WDR7: variants seen among roughly 807,000 people sequenced by gnomAD.
The protein encoded by WDR7 is WD repeat domain 7.
Under a neutral mutation model 169.4 loss-of-function variants are expected in WDR7, and 46 were observed. That is an observed-to-expected ratio of 0.27 (90% CI 0.21 to 0.35). The LOEUF is 0.35. Among genes scored for constraint, WDR7 ranks in the 10% least tolerant of loss-of-function variants. WDR7 has a pLI of 1.00. For synonymous variants in WDR7, 612 were observed against 666.8 expected, an observed-to-expected ratio of 0.92 and a Z score of 1.27; for missense variants, 1,534 against 1,859.3, an observed-to-expected ratio of 0.83 and a Z score of 3.22.
rs183182856 is a variant in WDR7, at chr18:56,818,902, G to A, written c.3304+2758G>A. Among the ~76,000 whole-genome samples the A allele has an allele frequency of 2.7e-3, 415 of 152,262 alleles. 3 individuals carry two copies. The highest frequency in any genetic ancestry group is 4.7e-3 in the Non-Finnish European group (322 of 67,992). On this transcript the variant is annotated intron_variant, in intron 20 of 27. Transcript: ENST00000254442. ...CTAATATTTCTTCATAAAATAAGTAGTAATTATATCATGACAGGTATTTGC... is the reference window on the plus strand; with the variant it reads ...CTAATATTTCTTCATAAAATAAGTAATAATTATATCATGACAGGTATTTGC...
chr18:56,878,286 G>A (rs1194430160), intron 20 of WDR7, among the ~76,000 whole-genome samples: 2 of 152,152 alleles, frequency 1.3e-5, no homozygotes, highest in Non-Finnish European at 2.9e-5. Flanking sequence ...TCAAATATCT[G>A]ATTGCTGTTT....
intron 14 of WDR7, among the ~76,000 whole-genome samples, chr18:56,732,171 T>G (rs1309021664): frequency 6.6e-6 from 1 of 152,202 alleles, no homozygotes; most frequent in Non-Finnish European, 1.5e-5. Context: ...TAACAGAAGA[T>G]GATCCTATTA....
chr18:56,846,246 G>A (rs1367539013), intron 20 of WDR7, among the ~76,000 whole-genome samples: 2 of 152,144 alleles, frequency 1.3e-5, no homozygotes, highest in African/African-American at 4.8e-5. Flanking sequence ...GGGTCATGGG[G>A]ATGGATCCCT....
chr18:56,692,871 T>C lies in WDR7; in HGVS notation c.966+1054T>C, dbSNP rs1049739882. 2.0e-5 allele frequency among the ~76,000 whole-genome samples: 3 copies of C among 152,016 alleles called. No individual in the cohort carries two copies. The East Asian group carries it at 5.8e-4, about 29-fold the overall frequency. ...ATATATAGTTTATCAATTAAAAATT[T>C]TAGTCTGGGCGACATAGTGAGACCC... On this transcript the variant is annotated intron_variant, in intron 9 of 27. Transcript: ENST00000254442.
chr18:56,967,155 C>T (rs956160739), intron 26 of WDR7, among the ~76,000 whole-genome samples: 2 of 151,990 alleles, frequency 1.3e-5, no homozygotes. Context: ...GTGCTAAGGC[C>T]AGGAGTTCAG....
intron 20 of WDR7, among the ~76,000 whole-genome samples, chr18:56,876,284 G>A (rs1048244037): frequency 1.1e-4 from 16 of 152,028 alleles, no homozygotes; most frequent in Admixed American, 3.9e-4. Flanking sequence ...AACTGAAAGC[G>A]GCCAGAAAAA....
At chr18:56,940,108 C>T (rs1207450477) in intron 25 of WDR7, among the ~76,000 whole-genome samples, 2 of 151,888 alleles carry the variant, frequency 1.3e-5, no homozygotes, top group African/African-American at 2.4e-5. Context: ...TCCATGCGGT[C>T]GTTAGAAATA....
intron 20 of WDR7, among the ~76,000 whole-genome samples, 167 bp from the exon 21 acceptor site, chr18:56,879,777 G>A (rs950123140): frequency 1.3e-5 from 2 of 151,678 alleles, no homozygotes; most frequent in Non-Finnish European, 2.9e-5. Flanking sequence ...GTTAGAGATA[G>A]GGGTCTGTCT....
chr18:56,969,948 C>A (rs2047460277), intron 26 of WDR7, among the ~76,000 whole-genome samples: 1 of 152,172 alleles, frequency 6.6e-6, no homozygotes, highest in Non-Finnish European at 1.5e-5. Flanking sequence ...TGCCTGAATT[C>A]AAGTCCTTCC....
At chr18:56,729,740 G>A (rs2026542044) in intron 13 of WDR7, among the ~76,000 whole-genome samples, 1 of 152,032 alleles carries the variant, frequency 6.6e-6, no homozygotes, top group African/African-American at 2.4e-5. Context: ...TCATTATTTA[G>A]CATAATCTTA....
At chr18:57,018,173 G>C (rs1323748525) in intron 26 of WDR7, among the ~76,000 whole-genome samples, 4 of 152,188 alleles carry the variant, frequency 2.6e-5, no homozygotes, top group African/African-American at 4.8e-5. Context: ...AAGGAGGAAG[G>C]CTTGGCATTC....
At chr18:56,792,820 T>C (rs1332164202) in intron 19 of WDR7, among the ~76,000 whole-genome samples, 1 of 151,558 alleles carries the variant, frequency 6.6e-6, no homozygotes, top group Non-Finnish European at 1.5e-5. Context: ...ACCTACACTA[T>C]GACACAGGGC....
chr18:56,734,033 G>A (rs1272835079), intron 14 of WDR7, among the ~76,000 whole-genome samples: 1 of 150,320 alleles, frequency 6.7e-6, no homozygotes, highest in Non-Finnish European at 1.5e-5. Context: ...ATAACTGATT[G>A]TCTTAAGACC....
intron 27 of WDR7, among the ~76,000 whole-genome samples, chr18:57,025,271 A>G (rs2048352096): frequency 6.6e-6 from 1 of 152,252 alleles, no homozygotes; most frequent in Non-Finnish European, 1.5e-5. Context: ...TTATCAACTG[A>G]GAAATTAGAT....
intron 1 of WDR7, among the ~76,000 whole-genome samples, chr18:56,665,282 A>G (rs1408846308): frequency 9.0e-6 from 1 of 111,312 alleles, no homozygotes; most frequent in African/African-American, 3.0e-5. Flanking sequence ...GACAAGAGTA[A>G]AACTCCATCT....
intron 12 of WDR7, among the ~76,000 whole-genome samples, chr18:56,700,261 T>C (rs1328295394): frequency 1.6e-5 from 2 of 128,270 alleles, no homozygotes; most frequent in African/African-American, 5.6e-5. Context: ...TCTTTTTTTT[T>C]TTTTTTTTTT....
At chr18:56,726,521 G>A (rs1052724642) in intron 13 of WDR7, among the ~76,000 whole-genome samples, 1 of 152,320 alleles carries the variant, frequency 6.6e-6, no homozygotes, top group Admixed American at 6.5e-5. Context: ...AGACTTTGCT[G>A]AAGTTGCTTA....
At chr18:56,794,302 C>CTATTTTTTTTTT (rs2044543128) in intron 19 of WDR7, among the ~76,000 whole-genome samples, 1 of 29,466 alleles carries the variant, frequency 3.4e-5, no homozygotes, top group Non-Finnish European at 9.1e-5. Flanking sequence ...AAGGTAAAGT[C>CTATTTTTTTTTT]TATTTTTTTT....
chr18:56,690,838 A>G (rs546736143), intron 7 of WDR7, among the ~76,000 whole-genome samples: 1 of 151,942 alleles, frequency 6.6e-6, no homozygotes, highest in African/African-American at 2.4e-5. Flanking sequence ...AAATGCTGTT[A>G]CTAGACATAG....
Sources: allele counts gnomAD v4.1 joint callset (sites outside exome capture counted in the v4.1 genomes callset), GRCh38; gene constraint gnomAD v4.1.1; transcripts MANE v1.5; gene names NCBI Gene and HGNC (gene_info 2026-07-23, HGNC 2026-07-21).